The following FILIP1 variants were observed in gnomAD, a reference collection of about 807,000 sequenced individuals.
FILIP1 encodes the protein filamin-A-interacting protein 1.
In FILIP1, 61 loss-of-function variants were observed where a neutral mutation model predicts 102.1. The observed-to-expected ratio is 0.60, with a 90% CI of 0.49 to 0.74. FILIP1 has a LOEUF of 0.74. FILIP1 is among the 30% of genes least tolerant of loss of function. FILIP1 has a pLI of 0.00. For synonymous variants in FILIP1, 491 were observed against 526.9 expected (o/e 0.93, Z 0.93); for missense variants, 1,314 against 1,441.2 (o/e 0.91, Z 1.43).
intron 1 of FILIP1, among the ~76,000 whole-genome samples, chr6:75,445,438 C>G (rs749393407): frequency 1.1e-4 from 16 of 152,080 alleles, no homozygotes; most frequent in Non-Finnish European, 1.9e-4. Flanking sequence ...ACTCCCCACA[C>G]TATTAATCTT....
At chr6:75,433,121 A>G (rs1489397239) in intron 1 of FILIP1, among the ~76,000 whole-genome samples, 1 of 152,236 alleles carries the variant, frequency 6.6e-6, no homozygotes, top group African/African-American at 2.4e-5. Context: ...TATTGTGAAT[A>G]GTGCTACAAT....
At chr6:75,381,388 C>A (rs1288824534) in intron 2 of FILIP1, among the ~76,000 whole-genome samples, 2 of 152,030 alleles carry the variant, frequency 1.3e-5, no homozygotes, top group African/African-American at 2.4e-5. Flanking sequence ...TGCCACCACG[C>A]CCGGCTAATT....
At chr6:75,474,824 A>G (rs756689037) in intron 1 of FILIP1, among the ~76,000 whole-genome samples, 1 of 152,080 alleles carries the variant, frequency 6.6e-6, no homozygotes, top group African/African-American at 2.4e-5. Flanking sequence ...GTGGTTTCTC[A>G]TTCACAGTTT....
intron 4 of FILIP1, among the ~76,000 whole-genome samples, chr6:75,315,516 C>G (rs988800815): frequency 6.6e-6 from 1 of 152,190 alleles, no homozygotes; most frequent in Non-Finnish European, 1.5e-5. Context: ...TTCCGAGTAT[C>G]TTTCTGCATA....
chr6:75,441,783 C>A (rs1434148151), intron 1 of FILIP1, among the ~76,000 whole-genome samples: 1 of 146,626 alleles, frequency 6.8e-6, no homozygotes, highest in African/African-American at 2.6e-5. Flanking sequence ...GTAGGGGCAG[C>A]CGGGCAGAGG....
intron 2 of FILIP1, among the ~76,000 whole-genome samples, chr6:75,410,074 T>C (rs1307646701): frequency 6.6e-6 from 1 of 152,142 alleles, no homozygotes; most frequent in East Asian, 1.9e-4. Flanking sequence ...TATCAGTGAG[T>C]TGATTTTGTC....
chr6:75,375,260 C>T (rs187558816), intron 2 of FILIP1, among the ~76,000 whole-genome samples: 2 of 152,178 alleles, frequency 1.3e-5, no homozygotes, highest in East Asian at 1.9e-4. Context: ...CAGCAGTAAG[C>T]GGGGAAGGTG....
chr6:75,314,428 A>G lies in FILIP1; in HGVS notation c.1404T>C (p.Asn468=). 1 of 1,562,066 alleles carries G rather than the reference A, an allele frequency of 6.4e-7. No individual in the cohort carries two copies. The highest frequency in any genetic ancestry group is 8.6e-7 in the Non-Finnish European group (1 of 1,161,352). Reference sequence around the variant, plus strand: ...CTCGACTCTTGACCACCTCCAATTCATTTAGCAGGTCTTTGGTTAAGTTCT... The same window carrying G: ...CTCGACTCTTGACCACCTCCAATTCGTTTAGCAGGTCTTTGGTTAAGTTCT... ...KEKNLTKDLL[N]ELEVVKSRVK... is the part of the protein sequence containing the mutation. The change falls in exon 5 of 6, where the codon AAT becomes AAC. Residue 468 remains asparagine, a synonymous_variant. Transcript: ENST00000237172.
chr6:75,482,179 T>C (rs1277848812), intron 1 of FILIP1, among the ~76,000 whole-genome samples: 3 of 152,114 alleles, frequency 2.0e-5, no homozygotes, highest in Admixed American at 6.6e-5. Flanking sequence ...CTGGAAGATG[T>C]GAATGGTGAT....
chr6:75,295,868 C>A, exon 7 of FILIP1: 1 of 1,329,884 alleles, frequency 7.5e-7, no homozygotes, highest in South Asian at 2.0e-5. Flanking sequence ...AATAGGGATT[C>A]AGAGGTCGTA....
chr6:75,472,039 T>C (rs1779347765), intron 1 of FILIP1, among the ~76,000 whole-genome samples: 3 of 152,152 alleles, frequency 2.0e-5, no homozygotes, highest in South Asian at 4.1e-4. Context: ...AAATTTTTAA[T>C]GTACAAATTA....
chr6:75,485,995 AC>A (rs1779777454), intron 1 of FILIP1, among the ~76,000 whole-genome samples: 1 of 131,894 alleles, frequency 7.6e-6, no homozygotes, highest in Non-Finnish European at 1.6e-5. Flanking sequence ...ACACACACAC[AC>A]ATACACACAC....
chr6:75,364,201 A>AC (rs1775257576), intron 2 of FILIP1, among the ~76,000 whole-genome samples: 2 of 152,354 alleles, frequency 1.3e-5, no homozygotes, highest in African/African-American at 4.8e-5. Flanking sequence ...ATTTTGAAGA[A>AC]CCCAGTGGTT....
chr6:75,479,094 C>T (rs1012372845), intron 1 of FILIP1, among the ~76,000 whole-genome samples: 1 of 152,122 alleles, frequency 6.6e-6, no homozygotes, highest in Non-Finnish European at 1.5e-5. Flanking sequence ...CCTATCCTAA[C>T]AAGGTCCCTC....
chr6:75,312,808 C>T lies in FILIP1; in HGVS notation c.3024G>A (p.Gln1008=), dbSNP rs1773254866. 1 of 1,614,194 alleles carries T rather than the reference C, an allele frequency of 6.2e-7. No homozygotes were observed. The highest frequency in any genetic ancestry group is 8.5e-7 in the Non-Finnish European group (1 of 1,180,032). The change falls in exon 5 of 6, where the codon CAG becomes CAA. Residue 1008 remains glutamine (Q), a synonymous_variant. Coordinates refer to ENST00000237172, the MANE Select transcript of FILIP1 (RefSeq NM_015687.5). ...AFADRPTSPI[Q]IMTVSTSAAP... is the part of the protein sequence containing the mutation. ...CTGCTGATGTAGACACCGTCATTAT[C>T]TGAATAGGGGATGTGGGCCTGTCTG...
chr6:75,414,852 T>C lies in FILIP1; in HGVS notation c.121A>G (p.Lys41Glu), dbSNP rs752232816. The change falls in exon 2 of 6, where the codon AAA becomes GAA. Residue 41 changes from lysine (K) to glutamate (E), a missense_variant. Physicochemically the swap from Lys to Glu is moderately conservative, Grantham distance 56. Coordinates refer to ENST00000237172, the MANE Select transcript of FILIP1 (RefSeq NM_015687.5). ...ACATCATCCTCCTTCCTATTTGATT[T>C]CTTCTTCTTTTTTGCATCTTCTGAG... ...SLSEDAKKKK[K>E]SNRKEDDVMA... 1.2e-6 allele frequency: 2 copies of C among 1,613,976 alleles called. No individual in the cohort carries two copies. The highest frequency in any genetic ancestry group is 2.2e-5 in the South Asian group (2 of 91,076).
Position 75,353,633 on chromosome 6 carries a change from T to C in FILIP1, c.535A>G (p.Thr179Ala). 6.2e-7 allele frequency: 1 copy of C among 1,614,192 alleles called. No individual in the cohort carries two copies. The highest frequency in any genetic ancestry group is 8.5e-7 in the Non-Finnish European group (1 of 1,180,038). ...LLLAEKCHRR[T>A]VYELENEKHK... ...TTCTCGTTCTCTAACTCGTATACGG[T>C]GCGCCTATGACACTTCTCGGCCAGC... Residue 179 changes from threonine to alanine, a missense_variant, in exon 4 of 6, where the codon ACC becomes GCC. Around this residue, in one of 3 missense-constraint regions of FILIP1, gnomAD observed 494 missense variants for 511.2 expected, o/e 0.97. Transcript: ENST00000237172.
intron 2 of FILIP1, among the ~76,000 whole-genome samples, chr6:75,389,454 CT>C (rs1776210901): frequency 6.6e-6 from 1 of 152,090 alleles, no homozygotes; most frequent in African/African-American, 2.4e-5. Context: ...ATGGTACCAG[CT>C]TTTCTTTGTA....
intron 2 of FILIP1, among the ~76,000 whole-genome samples, chr6:75,394,010 A>G (rs1776371891): frequency 6.6e-6 from 1 of 152,196 alleles, no homozygotes. Flanking sequence ...AGCCCTCTGC[A>G]GAGGGATTCC....
Sources: allele counts gnomAD v4.1 joint callset (sites outside exome capture counted in the v4.1 genomes callset), GRCh38; gene constraint gnomAD v4.1.1; regional missense constraint gnomAD v4.1.1; transcripts MANE v1.5; gene names NCBI Gene and HGNC (gene_info 2026-07-23, HGNC 2026-07-21).